Variants in RNF217 observed in about 807,000 individuals in gnomAD.
RNF217 encodes the protein E3 ubiquitin-protein ligase RNF217.
Under a neutral mutation model 57.8 loss-of-function variants are expected in RNF217, and 31 were observed. The observed-to-expected ratio is 0.54, with a 90% CI of 0.40 to 0.72. The LOEUF (loss-of-function observed/expected upper bound fraction) is 0.72. Ranked by LOEUF, RNF217 falls within the 30% of genes least tolerant of loss-of-function variation. The pLI, the probability that RNF217 is intolerant of heterozygous loss-of-function variation, is 0.00. For missense variants in RNF217, 696 were observed against 708.3 expected (o/e 0.98, Z 0.20); for synonymous variants, 313 against 294.0 (o/e 1.06, Z -0.66).
chr6:125,072,387 T>G (rs1377324352), intron 3 of RNF217, among the ~76,000 whole-genome samples: 1 of 152,172 alleles, frequency 6.6e-6, no homozygotes, highest in Non-Finnish European at 1.5e-5. Flanking sequence ...AATCCCAAAA[T>G]GTACAAGGTT....
intron 1 of RNF217, among the ~76,000 whole-genome samples, chr6:125,019,339 A>G (rs767382006): frequency 9.2e-5 from 14 of 152,196 alleles, no homozygotes; most frequent in Non-Finnish European, 1.9e-4. Flanking sequence ...ACAAAAGATT[A>G]GAACTTACAA....
chr6:125,059,974 T>C (rs1787670463), intron 3 of RNF217, among the ~76,000 whole-genome samples: 1 of 152,194 alleles, frequency 6.6e-6, no homozygotes, highest in Non-Finnish European at 1.5e-5. Flanking sequence ...GTTTAAGTCA[T>C]ATTTTATGAT....
Position 124,962,846 on chromosome 6 carries a change from T to C in RNF217, c.302T>C (p.Leu101Ser), listed in dbSNP as rs569913003. The change falls in exon 1 of 6, where the codon TTG (leucine) becomes TCG (serine). Residue 101 changes from leucine (L) to serine (S), a missense_variant. Leu to Ser is a moderately radical substitution (Grantham distance 145, BLOSUM62 -2). Around this residue, in one of 2 missense-constraint regions of RNF217, gnomAD observed 465 missense variants for 386.8 expected, o/e 1.20. Transcript: ENST00000521654. The surrounding 1 kb of genome is among the most constrained non-coding windows in gnomAD (Gnocchi z 4.6). Reference protein sequence around the residue: ...ALTGPLNPQTLPLQLELEEEE... With the variant: ...ALTGPLNPQTSPLQLELEEEE... ...ACCGGGCCTCTCAATCCCCAGACCT[T>C]GCCACTGCAGTTGGAGCTGGAGGAG... 137 of 1,597,886 alleles carry C rather than the reference T, an allele frequency of 8.6e-5. No individual in the cohort carries two copies. The African/African-American group carries it at 1.7e-3, about 19-fold the overall frequency.
chr6:125,062,898 G>A (rs898086431), intron 3 of RNF217, among the ~76,000 whole-genome samples: 8 of 152,080 alleles, frequency 5.3e-5, no homozygotes, highest in African/African-American at 1.7e-4. Context: ...GTATTTTTCA[G>A]TCACTTATGA....
At position 125,088,926 on chromosome 6, in the gene RNF217, T is replaced by C. The variant is rs1788855596; in HGVS notation, c.*5989T>C. Reference sequence around the variant, plus strand: ...TCCTTTTTCTCTTAAATTTCCTAATTATCTTGATTTTTGCCTCTGCAGTCT... The same window carrying C: ...TCCTTTTTCTCTTAAATTTCCTAATCATCTTGATTTTTGCCTCTGCAGTCT... On this transcript the variant is annotated 3_prime_UTR_variant, in exon 6 of 6. Transcript: ENST00000521654. 1 of 152,628 alleles carries C rather than the reference T, an allele frequency of 6.6e-6. No individual in the cohort carries two copies. The highest frequency in any genetic ancestry group is 1.5e-5 in the Non-Finnish European group (1 of 68,020). 9.5% of individuals were successfully genotyped at this position (152,628 alleles called of 1,614,324 possible).
chr6:125,078,820 C>A (rs1385235245), intron 4 of RNF217, among the ~76,000 whole-genome samples: 1 of 152,128 alleles, frequency 6.6e-6, no homozygotes, highest in African/African-American at 2.4e-5. Flanking sequence ...TTTCCCCACC[C>A]CAAGCACAGC....
rs1312638391 is a variant in RNF217 at position 125,089,301 on chromosome 6, A to G, written c.*6364A>G. On this transcript the variant is annotated 3_prime_UTR_variant, in exon 6 of 6. Coordinates refer to ENST00000521654, the MANE Select transcript of RNF217 (RefSeq NM_001286398.3). ...TTGTGTTTGCGTATTAGTTGGACAG[A>G]AAGCATGTGTGGACATTCATCCAAC... 6.6e-6 allele frequency: 1 copy of G among 152,206 alleles called. No homozygotes were observed. Among genetic ancestry groups the G allele is most frequent in the Non-Finnish European group, 1.5e-5 (1 of 68,032 alleles). 9.4% of individuals were successfully genotyped at this position (152,206 alleles called of 1,614,324 possible). A position where few individuals can be genotyped will look rare whatever the true frequency, so the allele number is the denominator to read the frequency against.
chr6:125,007,856 A>G (rs893584628), intron 1 of RNF217, among the ~76,000 whole-genome samples: 4 of 152,188 alleles, frequency 2.6e-5, no homozygotes, highest in Non-Finnish European at 5.9e-5. Flanking sequence ...TATATATACT[A>G]TTTTTTAATA....
chr6:124,990,311 G>A (rs1236579587), intron 1 of RNF217, among the ~76,000 whole-genome samples: 1 of 152,002 alleles, frequency 6.6e-6, no homozygotes, highest in African/African-American at 2.4e-5. Context: ...TCCAATTTCT[G>A]GTAAGTATTC....
intron 1 of RNF217, among the ~76,000 whole-genome samples, chr6:125,001,238 A>G (rs979631974): frequency 6.6e-6 from 1 of 152,146 alleles, no homozygotes; most frequent in Non-Finnish European, 1.5e-5. Context: ...GTGAAATTCT[A>G]TGTAAGTTTT....
intron 3 of RNF217, among the ~76,000 whole-genome samples, chr6:125,062,888 G>A (rs1172377508): frequency 6.6e-6 from 1 of 152,102 alleles, no homozygotes; most frequent in African/African-American, 2.4e-5. Flanking sequence ...TTAATGCAAA[G>A]TATTTTTCAG....
At chr6:125,009,118 T>A in intron 1 of RNF217, 1 of 981,014 alleles carries the variant, frequency 1.0e-6, no homozygotes, top group East Asian at 2.5e-5. Flanking sequence ...GAAATGTATG[T>A]ATAAAGGGAT....
chr6:124,997,819 C>A (rs983690861), intron 1 of RNF217, among the ~76,000 whole-genome samples: 1 of 152,178 alleles, frequency 6.6e-6, no homozygotes, highest in African/African-American at 2.4e-5. Context: ...CTAGACTCTA[C>A]TAACTTAATG....
At chr6:124,990,476 C>A (rs1465868965) in intron 1 of RNF217, among the ~76,000 whole-genome samples, 1 of 152,088 alleles carries the variant, frequency 6.6e-6, no homozygotes, top group African/African-American at 2.4e-5. Context: ...TTTATATTTC[C>A]CTGTAAACCT....
At chr6:124,984,851 G>A (rs1295533444) in intron 1 of RNF217, among the ~76,000 whole-genome samples, 1 of 151,868 alleles carries the variant, frequency 6.6e-6, no homozygotes, top group Non-Finnish European at 1.5e-5. Context: ...TTCCTGCAGG[G>A]GGAAAATGAT....
In RNF217 at chr6:125,076,867, CTG is replaced by C. The variant is rs774507439; in HGVS notation, c.1483+10_1483+11del. The C allele has an allele frequency of 1.2e-6, 2 of 1,608,600 alleles. No homozygotes were observed. Among genetic ancestry groups the C allele is most frequent in the Non-Finnish European group, 1.7e-6 (2 of 1,175,254 alleles). On this transcript the variant is annotated intron_variant, in intron 4 of 5. Transcript: ENST00000521654. ...GCGAGGGTCAGTCTGTGGTGAGTGTCTGACATACTTATGGGTGTCTTCCCTGG... is the reference window on the plus strand; with the variant it reads ...GCGAGGGTCAGTCTGTGGTGAGTGTCACATACTTATGGGTGTCTTCCCTGG...
chr6:124,994,265 C>T (rs1241088949), intron 1 of RNF217, among the ~76,000 whole-genome samples: 1 of 152,088 alleles, frequency 6.6e-6, no homozygotes, highest in Non-Finnish European at 1.5e-5. Context: ...GACTTATGAA[C>T]TATTTTGTTG....
At chr6:125,009,474 A>G (rs936409786) in intron 1 of RNF217, 15 of 251,044 alleles carry the variant, frequency 6.0e-5, no homozygotes, top group African/African-American at 3.6e-4. Flanking sequence ...AAGAAGGCAG[A>G]AAAAAAAAAG....
rs74947689 is a variant in RNF217 at position 125,082,203 on chromosome 6, A to T, written c.1556-661A>T. Among the ~76,000 whole-genome samples, 332 of 152,170 alleles carry T rather than the reference A, an allele frequency of 2.2e-3. 1 individual carries two copies. Among genetic ancestry groups the T allele is most frequent in the African/African-American group, 7.4e-3 (308 of 41,536 alleles). On this transcript the variant is annotated intron_variant, in intron 5 of 5. Transcript: ENST00000521654. ...TGATGCTCATGCAGCTGGTTCAGGG[A>T]CCATACTTTGAGAACTATTGCTTTA... is the stretch of plus-strand genomic sequence containing the variant.
Sources: gnomAD v4.1 joint callset for allele counts (sites outside exome capture counted in the v4.1 genomes callset) on GRCh38, gnomAD v4.1.1 for gene constraint, gnomAD v4.1.1 regional missense constraint, Gnocchi (gnomAD v3.1) non-coding constraint, MANE v1.5 for transcripts, NCBI Gene and HGNC (gene_info 2026-07-23, HGNC 2026-07-21) for gene names.